Variants in DOCK3 observed in about 807,000 individuals in gnomAD.
The protein encoded by DOCK3 is dedicator of cytokinesis 3.
A neutral mutation model predicts 265.6 loss-of-function variants in DOCK3; 60 were observed. The ratio of observed to expected loss-of-function variants is 0.23; its 90% CI spans 0.18 to 0.28. The LOEUF (loss-of-function observed/expected upper bound fraction) is 0.28. Among genes scored for constraint, DOCK3 ranks in the 10% least tolerant of loss-of-function variants. The pLI, the probability that DOCK3 is intolerant of heterozygous loss-of-function variation, is 1.00. For synonymous variants in DOCK3, 881 were observed against 938.0 expected, an observed-to-expected ratio of 0.94 and a Z score of 1.11; for missense variants, 1,981 against 2,594.3, an observed-to-expected ratio of 0.76 and a Z score of 5.14.
At chr3:50,915,760 A>G (rs886193046) in intron 4 of DOCK3, among the ~76,000 whole-genome samples, 1 of 151,910 alleles carries the variant, frequency 6.6e-6, no homozygotes, top group Non-Finnish European at 1.5e-5. Context: ...CCAAGGCACT[A>G]TTTTGTTTCA....
chr3:51,169,375 G>A (rs143614262), intron 12 of DOCK3, among the ~76,000 whole-genome samples: 1 of 152,148 alleles, frequency 6.6e-6, no homozygotes, highest in Admixed American at 6.6e-5. Flanking sequence ...AGAAAATGTG[G>A]CACATATACA....
chr3:50,744,609 G>A (rs1284787710), intron 1 of DOCK3, among the ~76,000 whole-genome samples: 2 of 151,770 alleles, frequency 1.3e-5, no homozygotes, highest in Non-Finnish European at 2.9e-5. Flanking sequence ...AATTTTTTGT[G>A]TTTTTTGTAG....
intron 5 of DOCK3, among the ~76,000 whole-genome samples, chr3:50,937,170 G>C (rs942286684): frequency 1.6e-4 from 25 of 151,672 alleles, no homozygotes; most frequent in Admixed American, 1.1e-3. Flanking sequence ...CCAGCTACAT[G>C]GGAGGCTGAA....
At position 51,273,899 on chromosome 3, in the gene DOCK3, C is replaced by T. The variant is rs1234453446; in HGVS notation, c.2549-1180C>T. Among the ~76,000 whole-genome samples, 4 of 152,302 alleles carry T rather than the reference C, an allele frequency of 2.6e-5. No individual in the cohort carries two copies. The East Asian group carries it at 5.8e-4, about 22-fold the overall frequency. ...ACGTAGGAATACAGGGTGCCAGAAACGCATTCACACTTGTATTTCACATGT... is the reference window on the plus strand; with the variant it reads ...ACGTAGGAATACAGGGTGCCAGAAATGCATTCACACTTGTATTTCACATGT... On this transcript the variant is annotated intron_variant, in intron 24 of 52. Coordinates refer to ENST00000266037, the MANE Select transcript of DOCK3 (RefSeq NM_004947.5).
chr3:50,800,191 G>T (rs2043000485), intron 2 of DOCK3, among the ~76,000 whole-genome samples: 1 of 152,230 alleles, frequency 6.6e-6, no homozygotes, highest in African/African-American at 2.4e-5. Context: ...TGCTATCAAG[G>T]TAATGCTGGA....
intron 1 of DOCK3, among the ~76,000 whole-genome samples, chr3:50,698,009 T>C (rs1184122190): frequency 1.3e-5 from 2 of 152,196 alleles, no homozygotes; most frequent in African/African-American, 4.8e-5. Context: ...CTTTTAAAAA[T>C]AGCAGGGGTG....
chr3:50,839,745 T>TCCCA (rs1451399635), intron 2 of DOCK3, among the ~76,000 whole-genome samples: 1 of 63,482 alleles, frequency 1.6e-5, no homozygotes, highest in African/African-American at 6.4e-5. Context: ...TCCCCTCCCC[T>TCCCA]CCTCTCCCCT....
intron 1 of DOCK3, among the ~76,000 whole-genome samples, chr3:50,686,179 G>T (rs1169044270): frequency 2.6e-5 from 4 of 151,958 alleles, no homozygotes; most frequent in Non-Finnish European, 4.4e-5. Context: ...GGTCCCATCT[G>T]GGGGTGACGG....
chr3:50,696,218 C>G (rs1209772356), intron 1 of DOCK3, among the ~76,000 whole-genome samples: 3 of 152,138 alleles, frequency 2.0e-5, no homozygotes, highest in Non-Finnish European at 2.9e-5. Flanking sequence ...AGAGCTGTTT[C>G]CAGTCAGAAA....
chr3:51,095,588 T>C (rs974189736), intron 9 of DOCK3, among the ~76,000 whole-genome samples: 7 of 152,260 alleles, frequency 4.6e-5, no homozygotes, highest in African/African-American at 1.7e-4. Flanking sequence ...ATTTGCATTG[T>C]CTAGTGCAAA....
At chr3:51,254,719 G>A (rs1205747456) in intron 22 of DOCK3, among the ~76,000 whole-genome samples, 1 of 152,088 alleles carries the variant, frequency 6.6e-6, no homozygotes, top group Non-Finnish European at 1.5e-5. Flanking sequence ...CCATTTGCTT[G>A]GTAGATCTTC....
At chr3:50,802,088 A>G (rs192581984) in intron 2 of DOCK3, among the ~76,000 whole-genome samples, 122 of 152,198 alleles carry the variant, frequency 8.0e-4, no homozygotes, top group Non-Finnish European at 1.2e-3. Flanking sequence ...GTGTCTTTAT[A>G]GGTGAGGTGA....
At chr3:50,838,717 A>G (rs547591136) in intron 2 of DOCK3, among the ~76,000 whole-genome samples, 6 of 152,300 alleles carry the variant, frequency 3.9e-5, no homozygotes, top group South Asian at 2.1e-4. Flanking sequence ...TTAAAAGCAT[A>G]TATTTCCTGT....
intron 5 of DOCK3, among the ~76,000 whole-genome samples, chr3:51,051,057 GA>G (rs140891199): frequency 1.9e-4 from 29 of 151,854 alleles, no homozygotes; most frequent in Admixed American, 7.2e-4. Context: ...TCACTTTTGA[GA>G]AAAAAAATTG....
chr3:51,311,934 G>A (rs2083086964), intron 28 of DOCK3, 70 bp from the exon 29 acceptor site: 2 of 1,205,086 alleles, frequency 1.7e-6, no homozygotes, highest in Non-Finnish European at 1.2e-6. Flanking sequence ...GCTATAGACA[G>A]CTGATACCAA....
At chr3:50,927,257 G>T (rs1198869527) in intron 4 of DOCK3, among the ~76,000 whole-genome samples, 3 of 152,128 alleles carry the variant, frequency 2.0e-5, no homozygotes, top group Non-Finnish European at 4.4e-5. Flanking sequence ...CTTAAAACTG[G>T]ATGCTCCCAC....
intron 5 of DOCK3, among the ~76,000 whole-genome samples, chr3:50,987,596 A>G (rs1387417011): frequency 6.6e-6 from 1 of 152,228 alleles, no homozygotes; most frequent in African/African-American, 2.4e-5. Context: ...TGGCTCTCAC[A>G]GAAAGGAATG....
rs1053259477 is a variant in DOCK3, at chr3:51,001,937, AGG to A, written c.316-62509_316-62508del. Among the ~76,000 whole-genome samples, 6 of 132,136 alleles carry A rather than the reference AGG, an allele frequency of 4.5e-5. No homozygotes were observed. The Admixed American group carries it at 4.9e-4, about 11-fold the overall frequency. 86.7% of individuals were successfully genotyped at this position (132,136 alleles called of 152,430 possible). On this transcript the variant is annotated intron_variant, in intron 5 of 52. Coordinates refer to ENST00000266037, the MANE Select transcript of DOCK3 (RefSeq NM_004947.5). ...CTCATTTTTTATTTTTTTAAGAGACAGGGTCTCACTCTGTCACCCAGGCCGGA... is the reference window on the plus strand; with the variant it reads ...CTCATTTTTTATTTTTTTAAGAGACAGTCTCACTCTGTCACCCAGGCCGGA...
chr3:50,791,332 C>T (rs912112832), intron 2 of DOCK3, among the ~76,000 whole-genome samples: 2 of 142,094 alleles, frequency 1.4e-5, no homozygotes, highest in Non-Finnish European at 3.0e-5. Flanking sequence ...GGTGCCATCT[C>T]GGCTCACTGC....
Sources: gnomAD v4.1 joint callset for allele counts (sites outside exome capture counted in the v4.1 genomes callset) on GRCh38, gnomAD v4.1.1 for gene constraint, MANE v1.5 for transcripts, NCBI Gene and HGNC (gene_info 2026-07-23, HGNC 2026-07-21) for gene names.